RALGAPA2: variants seen among roughly 807,000 people sequenced by gnomAD.
RALGAPA2 encodes the protein Ral GTPase activating protein catalytic subunit alpha 2, also known as ral GTPase-activating protein subunit alpha-2.
RALGAPA2 carries 139 observed loss-of-function variants against 230.4 expected under a neutral mutation model. That is an observed-to-expected ratio of 0.60 (90% confidence interval 0.53 to 0.69). RALGAPA2 has a LOEUF of 0.69. RALGAPA2 is among the 30% of genes least tolerant of loss of function. The probability of loss-of-function intolerance (pLI) is 0.00; values close to 1 mark genes in which losing one functional copy is unlikely to be tolerated. For missense variants in RALGAPA2, 2,163 were observed against 2,276.0 expected (o/e 0.95, Z 1.01); for synonymous variants, 847 against 837.8 (o/e 1.01, Z -0.19).
intron 36 of RALGAPA2, among the ~76,000 whole-genome samples, chr20:20,491,463 T>C (rs915241351): frequency 6.6e-6 from 1 of 152,164 alleles, no homozygotes; most frequent in African/African-American, 2.4e-5. Context: ...GAAATAAACA[T>C]GCCCAAACCA....
rs796997874 is a variant in RALGAPA2 at position 20,512,701 on chromosome 20, T to C, written c.4668A>G (p.Gln1556=). ...SLTPCGMNYD[Q]EKEIIEVILR... is the part of the protein sequence containing the mutation. ...AAATGACCTCAATGATTTCCTTCTC[T>C]TGGTCATAGTTCATGCCACATGGGG... Residue 1556 remains glutamine, a synonymous_variant, in exon 32 of 40, where the codon CAA becomes CAG. Transcript: ENST00000202677. 5 of 1,614,030 alleles carry C rather than the reference T, an allele frequency of 3.1e-6. No individual in the cohort carries two copies. The African/African-American group carries it at 6.7e-5, about 22-fold the overall frequency.
intron 18 of RALGAPA2, among the ~76,000 whole-genome samples, chr20:20,588,239 GA>G (rs1395465547): frequency 6.6e-6 from 1 of 152,096 alleles, no homozygotes; most frequent in African/African-American, 2.4e-5. Flanking sequence ...ACCAACAAGA[GA>G]ATGAAAAAAT....
At chr20:20,639,364 T>C (rs1305822835) in intron 7 of RALGAPA2, among the ~76,000 whole-genome samples, 2 of 152,306 alleles carry the variant, frequency 1.3e-5, no homozygotes, top group South Asian at 2.1e-4. Context: ...CTGTAGGCAA[T>C]TGGTGCATAT....
chr20:20,589,843 A>G (rs773990115), intron 17 of RALGAPA2, among the ~76,000 whole-genome samples: 1 of 152,240 alleles, frequency 6.6e-6, no homozygotes, highest in South Asian at 2.1e-4. Flanking sequence ...AAAGCTGATC[A>G]TAAGAGGATT....
intron 3 of RALGAPA2, chr20:20,659,714 A>C (rs2067706034): frequency 1.7e-6 from 1 of 580,262 alleles, no homozygotes; most frequent in Non-Finnish European, 3.0e-6. Flanking sequence ...GAGAGGATGA[A>C]CAAGTTATAC....
At chr20:20,483,611 G>C (rs1218086620) in intron 36 of RALGAPA2, among the ~76,000 whole-genome samples, 1 of 152,172 alleles carries the variant, frequency 6.6e-6, no homozygotes, top group Non-Finnish European at 1.5e-5. Context: ...TTCTCTTGGT[G>C]ATCTGCCAAT....
chr20:20,447,099 A>G (rs1364256639), intron 37 of RALGAPA2, among the ~76,000 whole-genome samples: 4 of 152,218 alleles, frequency 2.6e-5, no homozygotes, highest in Non-Finnish European at 5.9e-5. Flanking sequence ...TTTTCATTTC[A>G]TTAAGATAAA....
At chr20:20,547,641 G>A (rs577487594) in intron 23 of RALGAPA2, among the ~76,000 whole-genome samples, 1 of 152,244 alleles carries the variant, frequency 6.6e-6, no homozygotes, top group East Asian at 1.9e-4. Flanking sequence ...CTGTGCAAGC[G>A]TGTTTGTGTG....
intron 24 of RALGAPA2, among the ~76,000 whole-genome samples, chr20:20,541,832 G>C (rs763359531): frequency 6.6e-6 from 1 of 152,190 alleles, no homozygotes; most frequent in Non-Finnish European, 1.5e-5. Flanking sequence ...ACCACCATGT[G>C]TGATATTATC....
At chr20:20,677,995 G>A (rs2068394665) in intron 2 of RALGAPA2, among the ~76,000 whole-genome samples, 1 of 152,052 alleles carries the variant, frequency 6.6e-6, no homozygotes, top group South Asian at 2.1e-4. Flanking sequence ...GAAACTATGG[G>A]ATGGGAGAGG....
chr20:20,706,445 C>T (rs1031114325), intron 1 of RALGAPA2, among the ~76,000 whole-genome samples: 7 of 152,224 alleles, frequency 4.6e-5, no homozygotes, highest in Non-Finnish European at 1.0e-4. Context: ...TGAAATTACA[C>T]CTCCCAGCTT....
intron 1 of RALGAPA2, among the ~76,000 whole-genome samples, chr20:20,685,285 C>T (rs1037539441): frequency 6.6e-6 from 1 of 152,288 alleles, no homozygotes; most frequent in East Asian, 1.9e-4. Context: ...CAGGGGTGCA[C>T]AGGTAAACAA....
chr20:20,676,043 C>CA (rs2146792905), intron 3 of RALGAPA2, among the ~76,000 whole-genome samples, 193 bp downstream of exon 3: 1 of 150,924 alleles, frequency 6.6e-6, no homozygotes, highest in East Asian at 1.9e-4. Context: ...CACATGCTTG[C>CA]AAAAAAAGAA....
chr20:20,643,582 G>A, intron 4 of RALGAPA2, 33 bp from the exon 5 acceptor site: 1 of 1,385,802 alleles, frequency 7.2e-7, no homozygotes, highest in Non-Finnish European at 9.7e-7. Flanking sequence ...TATAAATAGA[G>A]TATATAAATG....
rs1019932459 is a variant in RALGAPA2, at chr20:20,398,462, G to C, written c.5618-1728C>G. Among the ~76,000 whole-genome samples, 1 of 152,222 alleles carries C rather than the reference G, an allele frequency of 6.6e-6. No homozygotes were observed. Among genetic ancestry groups the C allele is most frequent in the Non-Finnish European group, 1.5e-5 (1 of 68,042 alleles). On this transcript the variant is annotated intron_variant, in intron 38 of 39. Transcript: ENST00000202677. The surrounding 1 kb of genome is among the most constrained non-coding windows in gnomAD (Gnocchi z 4.5). ...CATGGTTGAGTTAAGGAGATGCAAA[G>C]ACAGAGACAGTTGGGGGCTGCCTTG...
chr20:20,677,897 C>G (rs536817052), intron 2 of RALGAPA2, among the ~76,000 whole-genome samples: 11 of 151,990 alleles, frequency 7.2e-5, no homozygotes, highest in African/African-American at 2.4e-4. Context: ...CTGCCCTCCT[C>G]GGCCTCCCAA....
intron 1 of RALGAPA2, among the ~76,000 whole-genome samples, chr20:20,704,272 C>T (rs1392416865): frequency 1.3e-5 from 2 of 152,178 alleles, no homozygotes; most frequent in Non-Finnish European, 2.9e-5. Flanking sequence ...CTGCAGATCA[C>T]ACCGTTCTGC....
At chr20:20,567,851 A>AT (rs1189846744) in intron 23 of RALGAPA2, among the ~76,000 whole-genome samples, 2 of 137,252 alleles carry the variant, frequency 1.5e-5, no homozygotes, top group Non-Finnish European at 3.1e-5. Flanking sequence ...CTAAAAAAAA[A>AT]AGCAATAATA....
At chr20:20,410,683 G>T (rs2060041561) in intron 38 of RALGAPA2, among the ~76,000 whole-genome samples, 1 of 152,202 alleles carries the variant, frequency 6.6e-6, no homozygotes, top group Admixed American at 6.5e-5. Flanking sequence ...GTGTATAAAA[G>T]AATTCAATTC....
Sources: gnomAD v4.1 joint callset for allele counts (sites outside exome capture counted in the v4.1 genomes callset) on GRCh38, gnomAD v4.1.1 for gene constraint, Gnocchi (gnomAD v3.1) non-coding constraint, MANE v1.5 for transcripts, NCBI Gene and HGNC (gene_info 2026-07-23, HGNC 2026-07-21) for gene names.